FGD4: variants seen among roughly 807,000 people sequenced by gnomAD.
FGD4 encodes FYVE, RhoGEF and PH domain containing 4, also known as FYVE, RhoGEF and PH domain-containing protein 4.
FGD4 carries 42 observed loss-of-function variants against 102.0 expected under a neutral mutation model. The ratio of observed to expected loss-of-function variants is 0.41; its 90% confidence interval spans 0.32 to 0.53. The LOEUF is 0.53. FGD4 is among the 20% of genes least tolerant of loss of function. The pLI is 0.21. For missense variants in FGD4, 902 were observed against 1,078.2 expected, an observed-to-expected ratio of 0.84 and a Z score of 2.29; for synonymous variants, 380 against 375.7, an observed-to-expected ratio of 1.01 and a Z score of -0.13.
chr12:32,559,895 G>T lies in FGD4; in HGVS notation c.167-4242G>T, dbSNP rs1476978501. 2.6e-5 allele frequency among the ~76,000 whole-genome samples: 4 copies of T among 152,176 alleles called. No individual in the cohort carries two copies. The South Asian group carries it at 6.2e-4, about 24-fold the overall frequency. On this transcript the variant is annotated intron_variant, in intron 1 of 16. Transcript: ENST00000534526. Reference sequence around the variant, plus strand: ...TTAACCCATTAACTGCCCCCTTTGTGTAGTATTGTTGCTGCTTTCTCTTAT... The same window carrying T: ...TTAACCCATTAACTGCCCCCTTTGTTTAGTATTGTTGCTGCTTTCTCTTAT...
chr12:32,439,311 C>A (rs1463389563), intron 1 of FGD4, among the ~76,000 whole-genome samples: 1 of 152,190 alleles, frequency 6.6e-6, no homozygotes, highest in Non-Finnish European at 1.5e-5. Context: ...TTTTTAAAGG[C>A]CGAATAGTAT....
At chr12:32,620,520 C>CTTTTTTTTTTTTTTTTTTT (rs1233071153) in intron 11 of FGD4, among the ~76,000 whole-genome samples, 1 of 91,136 alleles carries the variant, frequency 1.1e-5, no homozygotes, top group African/African-American at 4.6e-5. Flanking sequence ...TTTTTTCTTT[C>CTTTTTTTTTTTTTTTTTTT]TTTTTTTTTT....
chr12:32,640,379 C>T lies in FGD4; in HGVS notation c.2558C>T (p.Ser853Phe). The T allele has an allele frequency of 1.2e-6, 2 of 1,614,180 alleles. No individual in the cohort carries two copies. Among genetic ancestry groups the T allele is most frequent in the Non-Finnish European group, 1.7e-6 (2 of 1,180,028 alleles). ...AGTTTCAAACTGACCCAGTCTAAGT[C>T]CGTGCACAGCTTTGCTGCAGACAGT... ...PHSFKLTQSK[S>F]VHSFAADSEE... The change falls in exon 17 of 17, where the codon TCC becomes TTC. Residue 853 changes from serine to phenylalanine, a missense_variant. Physicochemically the swap from Ser to Phe is radical, Grantham distance 155 (BLOSUM62 -2). This residue lies in a region of FGD4 where 459 missense variants were observed against 619.0 expected (regional missense o/e 0.74). Transcript: ENST00000534526.
At chr12:32,516,210 G>A (rs1338473556) in intron 1 of FGD4, among the ~76,000 whole-genome samples, 1 of 152,138 alleles carries the variant, frequency 6.6e-6, no homozygotes, top group Non-Finnish European at 1.5e-5. Context: ...GGCTGGAGTG[G>A]AGTGGCACAG....
intron 1 of FGD4, chr12:32,502,458 A>G (rs571068127): frequency 6.5e-6 from 3 of 462,948 alleles, no homozygotes; most frequent in Middle Eastern, 2.2e-3. Flanking sequence ...AGCGTCATAC[A>G]CTTCTCTTGT....
In FGD4 at chr12:32,643,843, A is replaced by G. The variant is rs1278682755; in HGVS notation, c.*3310A>G. The G allele has an allele frequency of 6.6e-6, 1 of 152,040 alleles. No homozygotes were observed. Among genetic ancestry groups the G allele is most frequent in the Non-Finnish European group, 1.5e-5 (1 of 67,922 alleles). The allele number at this position is 152,040 out of a possible 1,614,324, so 9.4% of individuals were successfully genotyped here. A position where few individuals can be genotyped will look rare whatever the true frequency, so the allele number is the denominator to read the frequency against. ...TTCCTTGTCCTTACTTTTTGGAAAC[A>G]GGGTGGTTGCTTTTATTTGTTTTCT... is the stretch of plus-strand genomic sequence containing the variant. On this transcript the variant is annotated 3_prime_UTR_variant, in exon 17 of 17. Transcript: ENST00000534526.
chr12:32,459,170 T>C (rs1943029601), intron 1 of FGD4, among the ~76,000 whole-genome samples: 1 of 151,382 alleles, frequency 6.6e-6, no homozygotes, highest in Non-Finnish European at 1.5e-5. Flanking sequence ...ATTGTGTTTA[T>C]TTGGGATGTT....
intron 1 of FGD4, among the ~76,000 whole-genome samples, chr12:32,462,360 C>G (rs1943127365): frequency 6.6e-6 from 1 of 152,028 alleles, no homozygotes. Flanking sequence ...AGGGTTTCAT[C>G]ATGTTGGCCA....
chr12:32,519,321 A>G (rs1013204811), intron 1 of FGD4, among the ~76,000 whole-genome samples: 1 of 152,208 alleles, frequency 6.6e-6, no homozygotes, highest in Non-Finnish European at 1.5e-5. Context: ...AATCAGGAGC[A>G]GCAGAAAAGT....
At chr12:32,570,008 C>T (rs1395985048) in intron 2 of FGD4, among the ~76,000 whole-genome samples, 4 of 151,896 alleles carry the variant, frequency 2.6e-5, no homozygotes, top group South Asian at 4.2e-4. Flanking sequence ...TTTGGGAGGC[C>T]GAGGTGGGCG....
chr12:32,620,595 C>T (rs112219322), intron 11 of FGD4, among the ~76,000 whole-genome samples: 21,263 of 140,318 alleles, frequency 0.15, 1,789 homozygotes, highest in Middle Eastern at 0.28. Context: ...GGTGCAGTCT[C>T]GGCTCACTGC....
At chr12:32,447,082 A>G (rs1158047516) in intron 1 of FGD4, among the ~76,000 whole-genome samples, 2 of 152,180 alleles carry the variant, frequency 1.3e-5, no homozygotes, top group Non-Finnish European at 2.9e-5. Flanking sequence ...CCCAAAATAA[A>G]TCATATAGGT....
At chr12:32,556,693 C>A (rs1487263055) in intron 1 of FGD4, among the ~76,000 whole-genome samples, 1 of 150,702 alleles carries the variant, frequency 6.6e-6, no homozygotes, top group Admixed American at 6.6e-5. Context: ...CCTGTCTCTA[C>A]TAAAAAATAC....
rs574160097 is a variant in FGD4, at chr12:32,512,175, A to AT, written c.167-51962_167-51961insT. ...AAGTAGAGTGCTTGTGGCCGGGTGC[A>AT]GTGGCTCTCACCTGTAATCCCAGCA... On this transcript the variant is annotated intron_variant, in intron 1 of 16. Transcript: ENST00000534526. Among the ~76,000 whole-genome samples the AT allele has an allele frequency of 3.0e-4, 46 of 152,122 alleles. 1 individual carries two copies. The South Asian group carries it at 4.6e-3, about 15-fold the overall frequency.
chr12:32,611,582 A>C (rs2136773632), intron 10 of FGD4, among the ~76,000 whole-genome samples: 1 of 152,204 alleles, frequency 6.6e-6, no homozygotes, highest in Middle Eastern at 3.4e-3. Flanking sequence ...ACAGAGCGAG[A>C]CTCCATCTAA....
chr12:32,519,373 G>T (rs1027255000), intron 1 of FGD4, among the ~76,000 whole-genome samples: 1 of 152,116 alleles, frequency 6.6e-6, no homozygotes, highest in East Asian at 1.9e-4. Flanking sequence ...GTTTGGAAAT[G>T]TTCCATTATT....
chr12:32,485,759 A>C, intron 1 of FGD4: 4 of 819,206 alleles, frequency 4.9e-6, no homozygotes, highest in Non-Finnish European at 5.9e-6. Context: ...CTATTTTTAA[A>C]GGGAAGTTTG....
intron 1 of FGD4, among the ~76,000 whole-genome samples, chr12:32,402,584 G>A (rs1479588848): frequency 6.8e-6 from 1 of 147,792 alleles, no homozygotes; most frequent in Non-Finnish European, 1.5e-5. Flanking sequence ...AAGTAGATGG[G>A]ACTACAGGCA....
intron 3 of FGD4, among the ~76,000 whole-genome samples, chr12:32,578,518 T>G (rs1478881884): frequency 2.0e-5 from 3 of 152,162 alleles, no homozygotes; most frequent in Middle Eastern, 6.8e-3. Context: ...GTCAGAATGG[T>G]CATATCATAC....
Sources: allele counts gnomAD v4.1 joint callset (sites outside exome capture counted in the v4.1 genomes callset), GRCh38; gene constraint gnomAD v4.1.1; regional missense constraint gnomAD v4.1.1; transcripts MANE v1.5; gene names NCBI Gene and HGNC (gene_info 2026-07-23, HGNC 2026-07-21).